The following TLE6 variants were observed in gnomAD, a reference collection of about 807,000 sequenced individuals.
TLE6 encodes TLE family member 6, subcortical maternal complex member.
TLE6 carries 72 observed loss-of-function variants against 77.1 expected under a neutral mutation model. That is an observed-to-expected ratio of 0.93 (90% CI 0.77 to 1.14). TLE6 has a LOEUF of 1.14. Among genes scored for constraint, TLE6 ranks in the 50% most tolerant of loss-of-function variants. The pLI is 0.00. For missense variants in TLE6, 843 were observed against 747.6 expected (o/e 1.13, Z -1.49); for synonymous variants, 366 against 287.3 (o/e 1.27, Z -2.77).
chr19:2,980,603 G>A (rs2088778259), intron 3 of TLE6, among the ~76,000 whole-genome samples: 1 of 151,880 alleles, frequency 6.6e-6, no homozygotes, highest in African/African-American at 2.4e-5. Context: ...AGGCTTGGTG[G>A]TGGGTGCCTG....
intron 14 of TLE6, among the ~76,000 whole-genome samples, chr19:2,993,197 C>A (rs539232580): frequency 6.6e-6 from 1 of 152,162 alleles, no homozygotes; most frequent in African/African-American, 2.4e-5. Flanking sequence ...GGCAACAGAG[C>A]GAGACTCCGT....
intron 12 of TLE6, 90 bp downstream of exon 12, chr19:2,989,403 A>G (rs1163531393): frequency 3.8e-6 from 6 of 1,581,166 alleles, no homozygotes; most frequent in African/African-American, 2.7e-5. Context: ...TCGTGGAGAG[A>G]GGGCTTCCAG....
At chr19:2,985,811 C>T (rs943822085) in intron 5 of TLE6, among the ~76,000 whole-genome samples, 26 of 150,788 alleles carry the variant, frequency 1.7e-4, no homozygotes, top group African/African-American at 5.6e-4. Context: ...TGTGGTGGCT[C>T]ACACCTGTAA....
Position 2,994,943 on chromosome 19 carries a change from A to G in TLE6, c.1658A>G (p.Asn553Ser), listed in dbSNP as rs2089177586. Residue 553 changes from asparagine (N) to serine (S), a missense_variant, in exon 17 of 17, where the codon AAC (asparagine) becomes AGC (serine). Transcript: ENST00000246112. ...SPVTCCDVSS[N>S]NRLVVTGSGE... Reference sequence around the variant, plus strand: ...GTCACGTGCTGTGACGTCTCTTCCAACAACCGCCTCGTTGTCACAGGCTCC... The same window carrying G: ...GTCACGTGCTGTGACGTCTCTTCCAGCAACCGCCTCGTTGTCACAGGCTCC... 6.2e-7 allele frequency: 1 copy of G among 1,608,620 alleles called. No individual in the cohort carries two copies. The highest frequency in any genetic ancestry group is 1.3e-5 in the African/African-American group (1 of 74,924).
rs757255958 is a variant in TLE6, at chr19:2,989,359, G to C, written c.993+46G>C. The C allele has an allele frequency of 4.4e-6, 7 of 1,603,358 alleles. No individual in the cohort carries two copies. In the Admixed American group the frequency reaches 8.4e-5, roughly 19 times the overall value. ...CAGGGATGCAGGGCTTCTGGGAACA[G>C]GGGGTTTGAGGTTTGAGTCTGGCAG... On this transcript the variant is annotated intron_variant, in intron 12 of 16. Transcript: ENST00000246112.
At chr19:2,993,363 C>T (rs1005872475) in intron 14 of TLE6, 69 bp from the exon 15 acceptor site, 11 of 1,510,772 alleles carry the variant, frequency 7.3e-6, no homozygotes, top group Non-Finnish European at 8.9e-6. Context: ...GGTCCCCAGG[C>T]TCCTGCCTGC....
intron 3 of TLE6, 176 bp downstream of exon 3, chr19:2,980,358 G>T: frequency 4.5e-6 from 2 of 445,350 alleles, no homozygotes; most frequent in Admixed American, 3.9e-5. Context: ...CCCAGCTTTT[G>T]ATTAAACAAA....
intron 2 of TLE6, 129 bp from the exon 3 acceptor site, chr19:2,979,971 A>AAAAG: frequency 1.5e-6 from 1 of 648,474 alleles, no homozygotes; most frequent in Non-Finnish European, 2.5e-6. Flanking sequence ...TTCCAAAAAA[A>AAAAG]AAAAAAAAAG....
At position 2,995,064 on chromosome 19, in the gene TLE6, C is replaced by G. The variant is rs566861192; in HGVS notation, c.*60C>G. On this transcript the variant is annotated 3_prime_UTR_variant, in exon 17 of 17. Coordinates refer to ENST00000246112, the MANE Select transcript of TLE6 (RefSeq NM_001143986.2). ...CTTTTCATCCCCCCCCTTCCCCCCCCCCAACAAGGGGGACATGGTGGAGGG... is the reference window on the plus strand; with the variant it reads ...CTTTTCATCCCCCCCCTTCCCCCCCGCCAACAAGGGGGACATGGTGGAGGG... 38 of 1,023,246 alleles carry G rather than the reference C, an allele frequency of 3.7e-5. No individual in the cohort carries two copies. The highest frequency in any genetic ancestry group is 1.1e-4 in the East Asian group (4 of 38,086). The allele number at this position is 1,023,246 out of a possible 1,614,324, so 63.4% of individuals were successfully genotyped here. A position where few individuals can be genotyped will look rare whatever the true frequency, so the allele number is the denominator to read the frequency against.
At chr19:2,991,191 C>G (rs1001517542) in intron 13 of TLE6, among the ~76,000 whole-genome samples, 1 of 150,392 alleles carries the variant, frequency 6.6e-6, no homozygotes, top group African/African-American at 2.4e-5. Context: ...GATACCCCAT[C>G]TCTACTAAAA....
At chr19:2,992,525 C>A (rs2089093024) in intron 14 of TLE6, among the ~76,000 whole-genome samples, 2 of 152,082 alleles carry the variant, frequency 1.3e-5, no homozygotes, top group African/African-American at 4.8e-5. Context: ...AATCCCACCA[C>A]TTTGGGAGGC....
chr19:2,988,172 C>T (rs986171820), intron 11 of TLE6, 44 bp downstream of exon 11: 11 of 1,539,822 alleles, frequency 7.1e-6, no homozygotes, highest in South Asian at 2.4e-5. Flanking sequence ...TGAGGGGCAG[C>T]GGGAATTCCT....
chr19:2,993,034 A>AC lies in TLE6; in HGVS notation c.1387-398_1387-397insC, dbSNP rs1371953074. The stretch of plus-strand genomic sequence containing the variant: ...TGAAACCCCGTCTCTACTAAAAAAA[A>AC]AAAAAAAAAAAAAAAAAAACAGAAT... On this transcript the variant is annotated intron_variant, in intron 14 of 16. Coordinates refer to ENST00000246112, the MANE Select transcript of TLE6 (RefSeq NM_001143986.2). 1.3e-3 allele frequency among the ~76,000 whole-genome samples: 199 copies of AC among 148,358 alleles called. 1 individual carries two copies. Among genetic ancestry groups the AC allele is most frequent in the African/African-American group, 4.8e-3 (193 of 40,476 alleles).
At chr19:2,988,011 G>T in intron 10 of TLE6, 37 bp downstream of exon 10, 1 of 1,593,762 alleles carries the variant, frequency 6.3e-7, no homozygotes, top group East Asian at 2.3e-5. Flanking sequence ...CCAGCGTGAA[G>T]GCTGCCCAGG....
In TLE6 at chr19:2,993,535, TG is replaced by T. The variant is rs2089134465; in HGVS notation, c.1494del (p.Gln499LysfsTer7). The T allele has an allele frequency of 5.7e-6, 9 of 1,589,500 alleles. No homozygotes were observed. The highest frequency in any genetic ancestry group is 7.7e-6 in the Non-Finnish European group (9 of 1,161,732). On this transcript the variant is annotated frameshift_variant, in exon 15 of 17. Coordinates refer to ENST00000246112, the MANE Select transcript of TLE6 (RefSeq NM_001143986.2). LOFTEE classifies it high-confidence loss of function. ...QSTSGSQRHM[V>X]GQKDSVILSV... Reference sequence around the variant, plus strand: ...ACCAGCGGGAGCCAGCGGCACATGGTGGGGCAAAAAGACAGCGTCATCCTGA... The same window carrying T: ...ACCAGCGGGAGCCAGCGGCACATGGTGGGCAAAAAGACAGCGTCATCCTGA...
At chr19:2,979,461 T>G (rs2088750478) in intron 2 of TLE6, among the ~76,000 whole-genome samples, 1 of 151,200 alleles carries the variant, frequency 6.6e-6, no homozygotes, top group African/African-American at 2.4e-5. Flanking sequence ...TGCCCAGGGT[T>G]GTCTCAAACT....
rs772383730 is a variant in TLE6, at chr19:2,989,312, A to T, written c.992A>T (p.Gln331Leu). 1.9e-6 allele frequency: 3 copies of T among 1,612,646 alleles called. No homozygotes were observed. Among genetic ancestry groups the T allele is most frequent in the South Asian group, 2.2e-5 (2 of 91,060 alleles). The change falls in exon 12 of 17, where the codon CAG (glutamine) becomes CTG (leucine). Residue 331 changes from glutamine (Q) to leucine (L), a missense_variant and splice_region_variant. By Grantham distance (113) the Gln-to-Leu change is moderately radical. Transcript: ENST00000246112. ...TTCCCTGAGAGCCACCTGCCTATAC[A>T]GGTGAGGACGGCCTTGGTTTCCAGG... ...DRFPESHLPI[Q>L]TPGAFLRTCL...
intron 16 of TLE6, 70 bp from the exon 17 acceptor site, chr19:2,994,830 T>G (rs1390768445): frequency 7.0e-5 from 60 of 854,334 alleles, no homozygotes; most frequent in Middle Eastern, 2.3e-4. Flanking sequence ...GCTTCATGCT[T>G]GAGCTGACAG....
intron 5 of TLE6, among the ~76,000 whole-genome samples, 173 bp downstream of exon 5, chr19:2,982,362 A>AC (rs1278104667): frequency 1.3e-5 from 2 of 151,438 alleles, no homozygotes; most frequent in Non-Finnish European, 2.9e-5. Flanking sequence ...ACATGGTGAA[A>AC]CCCCGTCTCT....
Sources: allele counts gnomAD v4.1 joint callset (sites outside exome capture counted in the v4.1 genomes callset), GRCh38; gene constraint gnomAD v4.1.1; transcripts MANE v1.5; gene names NCBI Gene and HGNC (gene_info 2026-07-23, HGNC 2026-07-21).